CCHCR1: variants seen among roughly 807,000 people sequenced by gnomAD.
CCHCR1 encodes the protein coiled-coil alpha-helical rod protein 1, also known as HCR (a-helix coiled-coil rod homologue).
CCHCR1 carries 91 observed loss-of-function variants against 114.6 expected under a neutral mutation model. The ratio of observed to expected loss-of-function variants is 0.79; its 90% CI spans 0.67 to 0.94. CCHCR1 has a LOEUF of 0.94. Ranked by LOEUF, CCHCR1 falls within the 40% of genes least tolerant of loss-of-function variation. CCHCR1 has a pLI of 0.00. For missense variants in CCHCR1, 899 were observed against 1,079.9 expected, an observed-to-expected ratio of 0.83 and a Z score of 2.35; for synonymous variants, 379 against 428.5, an observed-to-expected ratio of 0.88 and a Z score of 1.43.
chr6:31,154,798 A>G lies in CCHCR1; in HGVS notation c.499T>C (p.Ser167Pro). ...DRQEPGRRGR[S>P]WGLEGSQALS... ...GCCTGTGACCCCTCCAGCCCCCAGG[A>G]CCTTCAAAGACAGGTTAGTGCAGGT... is the stretch of plus-strand genomic sequence containing the variant. The change falls in exon 4 of 18, where the codon TCC becomes CCC. Residue 167 changes from serine to proline, a missense_variant and splice_region_variant. Coordinates refer to ENST00000396268, the MANE Select transcript of CCHCR1 (RefSeq NM_001105564.2). The surrounding 1 kb of genome is among the most constrained non-coding windows in gnomAD (Gnocchi z 4.1). The G allele has an allele frequency of 6.3e-7, 1 of 1,599,338 alleles. No individual in the cohort carries two copies. The highest frequency in any genetic ancestry group is 8.5e-7 in the Non-Finnish European group (1 of 1,177,684).
rs369682563 is a variant in CCHCR1 at position 31,150,485 on chromosome 6, G to A, written c.1182C>T (p.Leu394=). 5.4e-5 allele frequency: 87 copies of A among 1,612,442 alleles called. No homozygotes were observed. In the African/African-American group the frequency reaches 9.2e-4, roughly 17 times the overall value. ...QVRVQSLTHI[L]ALQEEELTRK... ...TGGTCAGCTCCTCCTCCTGCAGGGC[G>A]AGGATGTGTGTGAGGCTCTGCACCC... The change falls in exon 7 of 18, where the codon CTC becomes CTT. Residue 394 remains leucine, a synonymous_variant. Transcript: ENST00000396268. This position sits in a 1 kb window ranked among gnomAD's most constrained non-coding sequence, Gnocchi z 5.3.
In CCHCR1 at chr6:31,142,500, A is replaced by C; in HGVS notation, c.*92T>G. On this transcript the variant is annotated 3_prime_UTR_variant, in exon 18 of 18. Transcript: ENST00000396268. ...GACTCAGCTGGTATCCCCCAGGGCA[A>C]CCCCAGGATGGGGAAGGGCTGGTCT... The C allele has an allele frequency of 2.4e-6, 3 of 1,253,770 alleles. No individual in the cohort carries two copies. Among genetic ancestry groups the C allele is most frequent in the Non-Finnish European group, 3.4e-6 (3 of 893,780 alleles). 77.7% of individuals were successfully genotyped at this position (1,253,770 alleles called of 1,614,324 possible). A position where few individuals can be genotyped will look rare whatever the true frequency, so the allele number is the denominator to read the frequency against.
chr6:31,152,224 GT>G (rs1184119303), intron 4 of CCHCR1, among the ~76,000 whole-genome samples: 1 of 148,414 alleles, frequency 6.7e-6, no homozygotes, highest in Non-Finnish European at 1.5e-5. Context: ...GGAGCTGGCA[GT>G]GAGCCAAGAT....
In CCHCR1 at chr6:31,143,281, C is replaced by G; in HGVS notation, c.2300G>C (p.Arg767Thr). ...RLARRLQELE[R>T]DKNLMLATLQ... is the part of the protein sequence containing the mutation. ...TCCTACCAGCATGAGGTTCTTATCCCTCTCTAGCTCCTGCAAGCGCCGGGC... is the reference window on the plus strand; with the variant it reads ...TCCTACCAGCATGAGGTTCTTATCCGTCTCTAGCTCCTGCAAGCGCCGGGC... The change falls in exon 16 of 18, where the codon AGG becomes ACG. Residue 767 changes from arginine (R) to threonine (T), a missense_variant. By Grantham distance (71) the Arg-to-Thr change is moderately conservative (BLOSUM62 -1). Coordinates refer to ENST00000396268, the MANE Select transcript of CCHCR1 (RefSeq NM_001105564.2). The surrounding 1 kb of genome is among the most constrained non-coding windows in gnomAD (Gnocchi z 5.3). The G allele has an allele frequency of 6.2e-7, 1 of 1,612,788 alleles. No individual in the cohort carries two copies. The highest frequency in any genetic ancestry group is 8.5e-7 in the Non-Finnish European group (1 of 1,180,038).
In CCHCR1 at chr6:31,142,696, C is replaced by A; in HGVS notation, c.2512G>T (p.Asp838Tyr). 1 of 1,612,018 alleles carries A rather than the reference C, an allele frequency of 6.2e-7. No individual in the cohort carries two copies. Among genetic ancestry groups the A allele is most frequent in the Non-Finnish European group, 8.5e-7 (1 of 1,179,798 alleles). Residue 838 changes from aspartate (D) to tyrosine (Y), a missense_variant, in exon 18 of 18, where the codon GAT (aspartate) becomes TAT (tyrosine). Transcript: ENST00000396268. ...GCTTCACTCAGGTCCTGCAGGTCATCGAGCAGGACAGAGAGGGACCCTGGG... is the reference window on the plus strand; with the variant it reads ...GCTTCACTCAGGTCCTGCAGGTCATAGAGCAGGACAGAGAGGGACCCTGGG... Reference protein sequence around the residue: ...SIKGSLSVLLDDLQDLSEAIS... With the variant: ...SIKGSLSVLLYDLQDLSEAIS...
intron 17 of CCHCR1, 50 bp from the exon 18 acceptor site, chr6:31,142,766 G>A (rs1336359143): frequency 1.9e-6 from 3 of 1,586,134 alleles, no homozygotes; most frequent in African/African-American, 2.7e-5. Context: ...GGTGCTCGTG[G>A]TTACAGAGGA....
chr6:31,150,191 G>T lies in CCHCR1; in HGVS notation c.1237C>A (p.Pro413Thr). 2 of 1,614,182 alleles carry T rather than the reference G, an allele frequency of 1.2e-6. No homozygotes were observed. Among genetic ancestry groups the T allele is most frequent in the Non-Finnish European group, 1.7e-6 (2 of 1,180,018 alleles). Residue 413 changes from proline (P) to threonine (T), a missense_variant, in exon 8 of 18, where the codon CCT (proline) becomes ACT (threonine). Transcript: ENST00000396268. This position sits in a 1 kb window ranked among gnomAD's most constrained non-coding sequence, Gnocchi z 5.3. ...RKVQPSDSLE[P>T]EFTRKCQSLL... ...GACTGGCACTTCCTGGTAAACTCAG[G>T]CTCCAGGGAATCTGAAGGTTGAACC...
chr6:31,150,749 T>A lies in CCHCR1; in HGVS notation c.1077A>T (p.Arg359=), dbSNP rs772131264. ...EVHSQTWELE[R]QKLLETMQHL... ...CCTGCATGGTTTCCAGAAGCTTCTG[T>A]CGCTCCAGTTCCCATGTCTGGCTGT... is the stretch of plus-strand genomic sequence containing the variant. Residue 359 remains arginine, a synonymous_variant, in exon 6 of 18, where the codon CGA becomes CGT. Coordinates refer to ENST00000396268, the MANE Select transcript of CCHCR1 (RefSeq NM_001105564.2). This position sits in a 1 kb window ranked among gnomAD's most constrained non-coding sequence, Gnocchi z 5.3. The A allele has an allele frequency of 8.1e-6, 13 of 1,612,832 alleles. No individual in the cohort carries two copies. The African/African-American group carries it at 1.7e-4, about 22-fold the overall frequency.
At position 31,145,462 on chromosome 6, in the gene CCHCR1, C is replaced by T. The variant is rs147733073; in HGVS notation, c.1725G>A (p.Gln575=). Residue 575 remains glutamine (Q), a synonymous_variant, in exon 12 of 18, where the codon CAG becomes CAA. Coordinates refer to ENST00000396268, the MANE Select transcript of CCHCR1 (RefSeq NM_001105564.2). ...GLIARKLALA[Q]LRQESCPLPP... ...CCAAACTTCACCTCTCCTGGCGCAG[C>T]TGAGCAAGGGCAAGCTTTCGAGCAA... is the stretch of plus-strand genomic sequence containing the variant. The T allele has an allele frequency of 6.2e-7, 1 of 1,614,162 alleles. No homozygotes were observed. The highest frequency in any genetic ancestry group is 8.5e-7 in the Non-Finnish European group (1 of 1,180,044).
At chr6:31,145,558 G>T in intron 11 of CCHCR1, 65 bp from the exon 12 acceptor site, 1 of 1,546,736 alleles carries the variant, frequency 6.5e-7, no homozygotes, top group Non-Finnish European at 8.9e-7. Flanking sequence ...GGGACAGGGA[G>T]TAAGGGAAAA....
In CCHCR1 at chr6:31,148,653, C is replaced by A. The variant is rs1382001260; in HGVS notation, c.1438G>T (p.Ala480Ser). 5 of 1,612,872 alleles carry A rather than the reference C, an allele frequency of 3.1e-6. No homozygotes were observed. Among genetic ancestry groups the A allele is most frequent in the Admixed American group, 3.3e-5 (2 of 59,996 alleles). ...AILQRSLQDK[A>S]AEVEVERMGA... ...ATACGCTCCACCTCCACCTCTGCGG[C>A]TTTGTCCTGCAGGGATCGCTGCAGG... The change falls in exon 9 of 18, where the codon GCC becomes TCC. Residue 480 changes from alanine to serine, a missense_variant. Transcript: ENST00000396268.
In CCHCR1 at chr6:31,154,382, C is replaced by T; in HGVS notation, c.801+114G>A. Reference sequence around the variant, plus strand: ...TGTTTATTTTCACCAAAGGTCTCATCACTCTACTACTCACTACTCATGGAG... The same window carrying T: ...TGTTTATTTTCACCAAAGGTCTCATTACTCTACTACTCACTACTCATGGAG... On this transcript the variant is annotated intron_variant, in intron 4 of 17. Coordinates refer to ENST00000396268, the MANE Select transcript of CCHCR1 (RefSeq NM_001105564.2). The surrounding 1 kb of genome is among the most constrained non-coding windows in gnomAD (Gnocchi z 4.1). The T allele has an allele frequency of 1.3e-6, 1 of 762,284 alleles. No individual in the cohort carries two copies. The highest frequency in any genetic ancestry group is 2.2e-6 in the Non-Finnish European group (1 of 455,816). The allele number at this position is 762,284 out of a possible 1,614,324, so 47.2% of individuals were successfully genotyped here.
rs542335716 is a variant in CCHCR1 at position 31,154,651 on chromosome 6, T to C, written c.646A>G (p.Met216Val). Reference protein sequence around the residue: ...QQKMRLEAQAMELEALARAEK... With the variant: ...QQKMRLEAQAVELEALARAEK... ...GCCCGTGCCAGAGCCTCTAGCTCCA[T>C]GGCCTGGGCCTCTAGCCTCATCTTC... Residue 216 changes from methionine (M) to valine (V), a missense_variant, in exon 4 of 18, where the codon ATG becomes GTG. Transcript: ENST00000396268. The surrounding 1 kb of genome is among the most constrained non-coding windows in gnomAD (Gnocchi z 4.1). 12 of 1,612,438 alleles carry C rather than the reference T, an allele frequency of 7.4e-6. No individual in the cohort carries two copies. The East Asian group carries it at 2.5e-4, about 33-fold the overall frequency.
intron 4 of CCHCR1, among the ~76,000 whole-genome samples, chr6:31,152,200 T>G (rs578156847): frequency 1.4e-5 from 2 of 145,272 alleles, no homozygotes; most frequent in African/African-American, 5.1e-5. Context: ...AAGAATGACT[T>G]GAACCCGGGA....
intron 1 of CCHCR1, 142 bp from the exon 2 acceptor site, chr6:31,157,231 A>G (rs1322829831): frequency 1.0e-6 from 1 of 992,242 alleles, no homozygotes; most frequent in African/African-American, 1.6e-5. Context: ...ACTTCCCCAA[A>G]GTAGGAGATA....
Position 31,150,135 on chromosome 6 carries a change from A to G in CCHCR1, c.1293T>C (p.Phe431=). Reference sequence around the variant, plus strand: ...GGGCCTTTAGCTGCACCATGAGGGCAAACACCTTCTCCCGCCAGCGGTTCA... The same window carrying G: ...GGGCCTTTAGCTGCACCATGAGGGCGAACACCTTCTCCCGCCAGCGGTTCA... ...SLLNRWREKV[F]ALMVQLKAQE... Residue 431 remains phenylalanine (F), a synonymous_variant, in exon 8 of 18, where the codon TTT becomes TTC. Transcript: ENST00000396268. The surrounding 1 kb of genome is among the most constrained non-coding windows in gnomAD (Gnocchi z 5.3). 1 of 1,614,206 alleles carries G rather than the reference A, an allele frequency of 6.2e-7. No homozygotes were observed. The highest frequency in any genetic ancestry group is 8.5e-7 in the Non-Finnish European group (1 of 1,180,022).
chr6:31,157,009 C>G lies in CCHCR1; in HGVS notation c.283+14G>C. On this transcript the variant is annotated intron_variant, in intron 2 of 17. Transcript: ENST00000396268. ...CAGAGACAACCACCACTCCCCTTGT[C>G]TGGTCCCACTGACCTGAAGGTGGAA... The G allele has an allele frequency of 6.2e-7, 1 of 1,612,330 alleles. No individual in the cohort carries two copies. The highest frequency in any genetic ancestry group is 2.2e-5 in the East Asian group (1 of 44,888).
chr6:31,157,685 C>T lies in CCHCR1; in HGVS notation c.-85G>A. On this transcript the variant is annotated 5_prime_UTR_variant, in exon 1 of 18. Transcript: ENST00000396268. Reference sequence around the variant, plus strand: ...AAAGCCAGCGTCCTGACATCTTATTCAAATCTTTCCTGCGGCTGTTCTCTC... The same window carrying T: ...AAAGCCAGCGTCCTGACATCTTATTTAAATCTTTCCTGCGGCTGTTCTCTC... 9.5e-7 allele frequency: 1 copy of T among 1,057,826 alleles called. No homozygotes were observed. Among genetic ancestry groups the T allele is most frequent in the Non-Finnish European group, 1.4e-6 (1 of 725,408 alleles). 65.5% of individuals were successfully genotyped at this position (1,057,826 alleles called of 1,614,324 possible).
At chr6:31,153,124 C>T (rs9263775) in intron 4 of CCHCR1, among the ~76,000 whole-genome samples, 22,182 of 152,104 alleles carry the variant, frequency 0.15, 1,733 homozygotes, top group African/African-American at 0.16. Flanking sequence ...GGATTACAGG[C>T]GCCCACGACT....
Sources: allele counts gnomAD v4.1 joint callset (sites outside exome capture counted in the v4.1 genomes callset), GRCh38; gene constraint gnomAD v4.1.1; non-coding constraint Gnocchi (gnomAD v3.1); transcripts MANE v1.5; gene names NCBI Gene and HGNC (gene_info 2026-07-23, HGNC 2026-07-21).